GINS1: variants seen among roughly 807,000 people sequenced by gnomAD.
The protein encoded by GINS1 is DNA replication complex GINS protein PSF1.
A neutral mutation model predicts 34.9 loss-of-function variants in GINS1; 26 were observed. That is an observed-to-expected ratio of 0.74 (90% CI 0.55 to 1.03). GINS1 has a LOEUF of 1.03. GINS1 is among the 50% of genes least tolerant of loss of function. GINS1 has a pLI of 0.00. For missense variants in GINS1, 235 were observed against 237.9 expected (o/e 0.99, Z 0.08); for synonymous variants, 97 against 84.4 (o/e 1.15, Z -0.82).
At chr20:25,432,156 G>C (rs2090430600) in intron 5 of GINS1, among the ~76,000 whole-genome samples, 1 of 152,168 alleles carries the variant, frequency 6.6e-6, no homozygotes, top group African/African-American at 2.4e-5. Flanking sequence ...GCAGGCGTGA[G>C]CCACCGCGCC....
At position 25,413,146 on chromosome 20, in the gene GINS1, G is replaced by C. The variant is rs548607164; in HGVS notation, c.76-644G>C. On this transcript the variant is annotated intron_variant, in intron 1 of 6. Transcript: ENST00000262460. ...ATGATCTTGGCTCATTGCAACCCGG[G>C]TTCAAGCGATTTCCCCTGCCTCAGC... Among the ~76,000 whole-genome samples the C allele has an allele frequency of 1.6e-4, 25 of 151,956 alleles. 1 individual carries two copies. The East Asian group carries it at 4.8e-3, about 29-fold the overall frequency.
At chr20:25,426,363 A>G (rs2482914) in intron 5 of GINS1, among the ~76,000 whole-genome samples, 256 of 152,030 alleles carry the variant, frequency 1.7e-3, no homozygotes, top group Middle Eastern at 6.8e-3. Flanking sequence ...CGGGAGTTCA[A>G]GACTAGCCTG....
At chr20:25,423,770 C>T (rs923092421) in intron 4 of GINS1, among the ~76,000 whole-genome samples, 2 of 151,824 alleles carry the variant, frequency 1.3e-5, no homozygotes, top group Non-Finnish European at 2.9e-5. Flanking sequence ...CCCGCCACCA[C>T]GCCTGGCTAA....
chr20:25,440,321 T>C (rs1164074347), intron 5 of GINS1, among the ~76,000 whole-genome samples: 2 of 152,132 alleles, frequency 1.3e-5, no homozygotes, highest in Non-Finnish European at 2.9e-5. Flanking sequence ...TTTTTAAAAT[T>C]ATCTGGTTTT....
rs191083445 is a variant in GINS1 at position 25,418,065 on chromosome 20, G to A, written c.240-40G>A. On this transcript the variant is annotated intron_variant, in intron 3 of 6. Transcript: ENST00000262460. Reference sequence around the variant, plus strand: ...AAATGAAGTCCACACGTGATCCCCCGTTTATTCTTATGCCACCCAATACCT... The same window carrying A: ...AAATGAAGTCCACACGTGATCCCCCATTTATTCTTATGCCACCCAATACCT... 1.1e-4 allele frequency: 117 copies of A among 1,108,160 alleles called. No homozygotes were observed. The East Asian group carries it at 2.2e-3, about 21-fold the overall frequency. The allele number at this position is 1,108,160 out of a possible 1,614,324, so 68.6% of individuals were successfully genotyped here.
chr20:25,413,763 A>G, intron 1 of GINS1, 27 bp from the exon 2 acceptor site: 1 of 1,362,990 alleles, frequency 7.3e-7, no homozygotes. Flanking sequence ...AAATCAGTGG[A>G]TTTCAATATC....
At chr20:25,416,723 T>C (rs1412931107) in intron 2 of GINS1, among the ~76,000 whole-genome samples, 4 of 152,210 alleles carry the variant, frequency 2.6e-5, no homozygotes, top group African/African-American at 4.8e-5. Flanking sequence ...CTATGTAGAA[T>C]AGCGACATGA....
Position 25,407,697 on chromosome 20 carries a change from A to T in GINS1, c.-124A>T. 1.3e-6 allele frequency: 1 copy of T among 764,114 alleles called. No homozygotes were observed. The highest frequency in any genetic ancestry group is 2.2e-6 in the Non-Finnish European group (1 of 451,494). The allele number at this position is 764,114 out of a possible 1,614,324, so 47.3% of individuals were successfully genotyped here. A position where few individuals can be genotyped will look rare whatever the true frequency, so the allele number is the denominator to read the frequency against. ...TGTTCGGCGCCAAAGCGCGGAGCGG[A>T]GGCCGAGGCGAGAGCCTGGCGCTGT... On this transcript the variant is annotated 5_prime_UTR_variant, in exon 1 of 7. Coordinates refer to ENST00000262460, the MANE Select transcript of GINS1 (RefSeq NM_021067.5).
At chr20:25,413,298 C>T (rs1159384789) in intron 1 of GINS1, among the ~76,000 whole-genome samples, 1 of 152,136 alleles carries the variant, frequency 6.6e-6, no homozygotes, top group African/African-American at 2.4e-5. Context: ...ATCCACCCGC[C>T]TCAGCCTTCC....
chr20:25,425,184 G>C (rs756630869), intron 4 of GINS1, 27 bp from the exon 5 acceptor site: 2 of 968,910 alleles, frequency 2.1e-6, no homozygotes, highest in Non-Finnish European at 3.3e-6. Flanking sequence ...TTAGAATTTT[G>C]TCAAATGATC....
At position 25,412,087 on chromosome 20, in the gene GINS1, C is replaced by G. The variant is rs868793365; in HGVS notation, c.76-1703C>G. ...CGCACTACTGCACTCCAACCTGGGCCACAGAGTGAGACTTCATCTCAACAA... is the reference window on the plus strand; with the variant it reads ...CGCACTACTGCACTCCAACCTGGGCGACAGAGTGAGACTTCATCTCAACAA... On this transcript the variant is annotated intron_variant, in intron 1 of 6. Transcript: ENST00000262460. Among the ~76,000 whole-genome samples the G allele has an allele frequency of 2.6e-5, 4 of 151,534 alleles. No individual in the cohort carries two copies. In the Middle Eastern group the frequency reaches 0.014, roughly 523 times the overall value.
chr20:25,435,668 G>A (rs942981488), intron 5 of GINS1, among the ~76,000 whole-genome samples: 5 of 144,160 alleles, frequency 3.5e-5, no homozygotes, highest in Non-Finnish European at 6.0e-5. Context: ...TGAGGGAGGA[G>A]AATTGCGAAT....
intron 3 of GINS1, 162 bp downstream of exon 3, chr20:25,417,364 T>C (rs1321618583): frequency 1.7e-6 from 1 of 588,362 alleles, no homozygotes; most frequent in African/African-American, 2.0e-5. Context: ...TTATGAAAAA[T>C]CACAACACTT....
At chr20:25,430,380 T>G (rs557606425) in intron 5 of GINS1, among the ~76,000 whole-genome samples, 21 of 152,316 alleles carry the variant, frequency 1.4e-4, no homozygotes, top group Non-Finnish European at 2.9e-4. Flanking sequence ...ATGATCATGT[T>G]TTTTTCCCTT....
intron 5 of GINS1, among the ~76,000 whole-genome samples, chr20:25,436,321 G>C (rs149001312): frequency 8.5e-5 from 13 of 152,276 alleles, no homozygotes; most frequent in Admixed American, 3.9e-4. Context: ...TTGCGAGTCT[G>C]AGATCATCTT....
intron 5 of GINS1, among the ~76,000 whole-genome samples, chr20:25,429,868 C>G (rs938157211): frequency 6.6e-6 from 1 of 152,182 alleles, no homozygotes; most frequent in Non-Finnish European, 1.5e-5. Flanking sequence ...GTGGCAAAAG[C>G]AGAAATCTTT....
chr20:25,421,856 C>T (rs747760314), intron 4 of GINS1, among the ~76,000 whole-genome samples: 308 of 152,270 alleles, frequency 2.0e-3, no homozygotes, highest in Non-Finnish European at 4.0e-3. Flanking sequence ...CTGTTACACT[C>T]TTCTCAGTGG....
chr20:25,421,961 A>G (rs1600927146), intron 4 of GINS1, among the ~76,000 whole-genome samples: 1 of 152,212 alleles, frequency 6.6e-6, no homozygotes, highest in African/African-American at 2.4e-5. Context: ...TATCAATACA[A>G]AATATCATTT....
At chr20:25,414,129 G>T (rs1039386024) in intron 2 of GINS1, among the ~76,000 whole-genome samples, 16 of 140,974 alleles carry the variant, frequency 1.1e-4, no homozygotes, top group Non-Finnish European at 2.4e-4. Context: ...GGTGGAGGTT[G>T]CAGTGAGCTG....
Sources: gnomAD v4.1 joint callset for allele counts (sites outside exome capture counted in the v4.1 genomes callset) on GRCh38, gnomAD v4.1.1 for gene constraint, MANE v1.5 for transcripts, NCBI Gene and HGNC (gene_info 2026-07-23, HGNC 2026-07-21) for gene names.